The following CSMD1 variants were observed in gnomAD, a reference collection of about 807,000 sequenced individuals.
The protein encoded by CSMD1 is CUB and sushi domain-containing protein 1.
A neutral mutation model predicts 417.5 loss-of-function variants in CSMD1; 213 were observed. That is an observed-to-expected ratio of 0.51 (90% CI 0.46 to 0.57). CSMD1 has a LOEUF of 0.57. Among genes scored for constraint, CSMD1 ranks in the 20% least tolerant of loss-of-function variants. The probability of loss-of-function intolerance (pLI) is 0.00; values close to 1 mark genes in which losing one functional copy is unlikely to be tolerated. For synonymous variants in CSMD1, 2,862 were observed against 1,736.8 expected (o/e 1.65, Z -16.11); for missense variants, 6,923 against 4,529.7 (o/e 1.53, Z -15.17).
intron 1 of CSMD1, among the ~76,000 whole-genome samples, chr8:4,706,693 CATGAAAGTCCAAAAA>C (rs559594432): frequency 6.6e-6 from 1 of 152,202 alleles, no homozygotes; most frequent in Admixed American, 6.5e-5. Context: ...TTAATAATGG[CATGAAAGTCCAAAAA>C]ACAAAAGACA....
rs1174428464 is a variant in CSMD1, at chr8:4,041,612, GC to G, written c.416-9514del. Among the ~76,000 whole-genome samples the G allele has an allele frequency of 3.3e-5, 5 of 152,030 alleles. No homozygotes were observed. In the East Asian group the frequency reaches 7.7e-4, roughly 24 times the overall value. On this transcript the variant is annotated intron_variant, in intron 3 of 69. Transcript: ENST00000635120. Reference sequence around the variant, plus strand: ...CATCCAATCAAAAAGTAATAAGCACGCAAAAAAGTAAGAAGATATCCATAAG... The same window carrying G: ...CATCCAATCAAAAAGTAATAAGCACGAAAAAAGTAAGAAGATATCCATAAG...
chr8:4,551,525 A>C (rs984143700), intron 2 of CSMD1, among the ~76,000 whole-genome samples: 4 of 152,086 alleles, frequency 2.6e-5, no homozygotes, highest in Admixed American at 6.5e-5. Context: ...TACCTGCCCA[A>C]CCATCCCTAT....
intron 3 of CSMD1, among the ~76,000 whole-genome samples, chr8:4,259,732 C>T (rs1185753914): frequency 6.6e-6 from 1 of 151,952 alleles, no homozygotes; most frequent in East Asian, 1.9e-4. Context: ...CAAATATATA[C>T]ACATACACAT....
intron 2 of CSMD1, among the ~76,000 whole-genome samples, chr8:4,573,210 G>T (rs1052367042): frequency 1.3e-4 from 20 of 152,086 alleles, no homozygotes; most frequent in African/African-American, 4.3e-4. Flanking sequence ...TCTGGTTTTT[G>T]GAATTTTCAG....
intron 7 of CSMD1, among the ~76,000 whole-genome samples, chr8:3,701,038 G>A (rs1800836333): frequency 6.6e-6 from 1 of 151,948 alleles, no homozygotes; most frequent in African/African-American, 2.4e-5. Flanking sequence ...TCGGGGGGCA[G>A]TCAGGGCTCA....
chr8:4,143,371 C>T lies in CSMD1; in HGVS notation c.416-111272G>A, dbSNP rs1204208275. ...GCTGAAATATAATGACGTCTTATCC[C>T]TTTTTTTTTTTTTTTTGCTACAGAC... On this transcript the variant is annotated intron_variant, in intron 3 of 69. Transcript: ENST00000635120. 1.9e-4 allele frequency among the ~76,000 whole-genome samples: 22 copies of T among 112,918 alleles called. 2 individuals are homozygous for T. The highest frequency in any genetic ancestry group is 6.8e-4 in the African/African-American group (22 of 32,232). 74.1% of individuals were successfully genotyped at this position (112,918 alleles called of 152,430 possible). A position where few individuals can be genotyped will look rare whatever the true frequency, so the allele number is the denominator to read the frequency against.
At position 4,377,718 on chromosome 8, in the gene CSMD1, A is replaced by G. The variant is rs1382580054; in HGVS notation, c.415+42235T>C. Among the ~76,000 whole-genome samples the G allele has an allele frequency of 1.3e-4, 20 of 152,216 alleles. 1 individual carries two copies. The highest frequency in any genetic ancestry group is 1.3e-3 in the Admixed American group (20 of 15,268). ...TTCATCTGTGGCATACTTTTGATTT[A>G]AAATACTTCTTACTCTGCCCATAAC... On this transcript the variant is annotated intron_variant, in intron 3 of 69. Transcript: ENST00000635120.
intron 6 of CSMD1, among the ~76,000 whole-genome samples, chr8:3,713,205 G>A (rs767941506): frequency 6.6e-6 from 1 of 152,102 alleles, no homozygotes; most frequent in Non-Finnish European, 1.5e-5. Context: ...ATTTTGTTGT[G>A]TCATTTACTT....
At position 3,343,502 on chromosome 8, in the gene CSMD1, G is replaced by C. The variant is rs371330480; in HGVS notation, c.3475-52C>G. 501 of 1,489,358 alleles carry C rather than the reference G, an allele frequency of 3.4e-4. 1 individual carries two copies. The highest frequency in any genetic ancestry group is 4.4e-4 in the Non-Finnish European group (477 of 1,082,726). The allele number at this position is 1,489,358 out of a possible 1,614,324, so 92.3% of individuals were successfully genotyped here. On this transcript the variant is annotated intron_variant, in intron 22 of 69. Transcript: ENST00000635120. ...CTCTATGCCTTCACTGGATTCTTATGTTAGCAATGGTAATAAACAATCCAA... is the reference window on the plus strand; with the variant it reads ...CTCTATGCCTTCACTGGATTCTTATCTTAGCAATGGTAATAAACAATCCAA...
intron 10 of CSMD1, among the ~76,000 whole-genome samples, chr8:3,523,725 GCA>G (rs1420214152): frequency 6.9e-6 from 1 of 144,858 alleles, no homozygotes; most frequent in Non-Finnish European, 1.5e-5. Flanking sequence ...ACATATGCAT[GCA>G]CACTCAGAGA....
At chr8:3,081,520 T>C (rs1357444681) in intron 49 of CSMD1, among the ~76,000 whole-genome samples, 1 of 152,236 alleles carries the variant, frequency 6.6e-6, no homozygotes, top group East Asian at 1.9e-4. Context: ...TAAATAACTA[T>C]GATGACCTTT....
chr8:4,100,564 A>G (rs1173005031), intron 3 of CSMD1, among the ~76,000 whole-genome samples: 2 of 152,258 alleles, frequency 1.3e-5, no homozygotes, highest in Non-Finnish European at 2.9e-5. Flanking sequence ...GAATGTATAA[A>G]GAGAACAGCA....
chr8:3,265,550 C>A (rs937469941), intron 26 of CSMD1, among the ~76,000 whole-genome samples: 3 of 152,088 alleles, frequency 2.0e-5, no homozygotes, highest in Non-Finnish European at 4.4e-5. Flanking sequence ...GTAGCACACT[C>A]CTGTTACCTG....
At chr8:3,832,686 T>A (rs1019245254) in intron 5 of CSMD1, among the ~76,000 whole-genome samples, 2 of 152,180 alleles carry the variant, frequency 1.3e-5, no homozygotes, top group Non-Finnish European at 2.9e-5. Flanking sequence ...ACACTATAGA[T>A]TCATGACTGT....
chr8:4,883,822 A>C (rs973505873), intron 1 of CSMD1, among the ~76,000 whole-genome samples: 1 of 152,006 alleles, frequency 6.6e-6, no homozygotes, highest in Admixed American at 6.5e-5. Flanking sequence ...GTGAGCATTT[A>C]TTTTAATTTC....
intron 1 of CSMD1, among the ~76,000 whole-genome samples, chr8:4,870,026 A>G (rs1049132310): frequency 1.3e-5 from 2 of 152,136 alleles, no homozygotes; most frequent in African/African-American, 2.4e-5. Flanking sequence ...GGACAACCGT[A>G]AAGTATGTAT....
At chr8:3,519,533 G>C (rs1403967646) in intron 10 of CSMD1, among the ~76,000 whole-genome samples, 1 of 152,072 alleles carries the variant, frequency 6.6e-6, no homozygotes, top group Non-Finnish European at 1.5e-5. Context: ...GTGTCAGAAA[G>C]CTCATTTTGA....
At chr8:3,058,001 A>G (rs1435131266) in intron 49 of CSMD1, among the ~76,000 whole-genome samples, 3 of 152,162 alleles carry the variant, frequency 2.0e-5, no homozygotes, top group Non-Finnish European at 4.4e-5. Context: ...CACGCCGCCC[A>G]GTCGGCTTAT....
At chr8:3,040,369 A>C (rs1475155517) in intron 50 of CSMD1, among the ~76,000 whole-genome samples, 2 of 138,972 alleles carry the variant, frequency 1.4e-5, no homozygotes, top group African/African-American at 5.3e-5. Context: ...CAAGGTGTAG[A>C]TAGCATATAC....
Sources: allele counts gnomAD v4.1 joint callset (sites outside exome capture counted in the v4.1 genomes callset), GRCh38; gene constraint gnomAD v4.1.1; transcripts MANE v1.5; gene names NCBI Gene and HGNC (gene_info 2026-07-23, HGNC 2026-07-21).